Variants in DAB1 observed in about 807,000 individuals in gnomAD.
The protein encoded by DAB1 is disabled homolog 1.
DAB1 carries 15 observed loss-of-function variants against 64.6 expected under a neutral mutation model. The observed-to-expected ratio is 0.23, with a 90% CI of 0.16 to 0.36. The LOEUF (loss-of-function observed/expected upper bound fraction) is 0.36, where lower values mean the gene tolerates loss of function less well. Ranked by LOEUF, DAB1 falls within the 10% of genes least tolerant of loss-of-function variation. The pLI is 1.00. For synonymous variants in DAB1, 235 were observed against 251.9 expected (o/e 0.93, Z 0.64); for missense variants, 596 against 706.7 (o/e 0.84, Z 1.78).
chr1:58,292,276 T>C (rs188605116), intron 4 of DAB1, among the ~76,000 whole-genome samples: 2 of 152,264 alleles, frequency 1.3e-5, no homozygotes, highest in African/African-American at 4.8e-5. Flanking sequence ...CATTGACCAT[T>C]GTACCACACT....
At chr1:58,423,206 A>G (rs937588751) in intron 3 of DAB1, among the ~76,000 whole-genome samples, 1 of 152,340 alleles carries the variant, frequency 6.6e-6, no homozygotes. Context: ...CTTAAAAGCC[A>G]GACAGGAATT....
intron 1 of DAB1, among the ~76,000 whole-genome samples, chr1:57,404,526 T>C (rs1398730681): frequency 3.3e-5 from 5 of 152,326 alleles, no homozygotes; most frequent in South Asian, 4.1e-4. Flanking sequence ...TCTTTCTCTC[T>C]AGAATTAAAA....
chr1:57,282,613 T>C (rs1672005791), intron 2 of DAB1, among the ~76,000 whole-genome samples: 1 of 152,176 alleles, frequency 6.6e-6, no homozygotes, highest in South Asian at 2.1e-4. Flanking sequence ...AATAAATTCA[T>C]GACCGTGTGA....
At chr1:57,325,014 G>C (rs1189390853) in intron 1 of DAB1, among the ~76,000 whole-genome samples, 3 of 152,228 alleles carry the variant, frequency 2.0e-5, no homozygotes, top group Non-Finnish European at 4.4e-5. Flanking sequence ...CTCAAGTAAT[G>C]TTTGTTTTGA....
At chr1:57,962,430 G>GACAT (rs1447379818) in intron 5 of DAB1, among the ~76,000 whole-genome samples, 1 of 152,012 alleles carries the variant, frequency 6.6e-6, no homozygotes, top group Non-Finnish European at 1.5e-5. Flanking sequence ...ACTAGGTACT[G>GACAT]ACATCCTCCT....
At chr1:57,154,207 C>T (rs557871831) in intron 2 of DAB1, among the ~76,000 whole-genome samples, 1 of 152,296 alleles carries the variant, frequency 6.6e-6, no homozygotes, top group South Asian at 2.1e-4. Flanking sequence ...TTCCCAGCCT[C>T]TAGTAACCAT....
At chr1:57,244,460 CA>C (rs1668719401) in intron 2 of DAB1, among the ~76,000 whole-genome samples, 1 of 152,116 alleles carries the variant, frequency 6.6e-6, no homozygotes, top group Non-Finnish European at 1.5e-5. Flanking sequence ...AGAGTATCAC[CA>C]AATAAACTCT....
intron 5 of DAB1, among the ~76,000 whole-genome samples, chr1:57,072,079 A>AC (rs1651528947): frequency 6.6e-6 from 1 of 151,212 alleles, no homozygotes; most frequent in Admixed American, 6.6e-5. Flanking sequence ...AAAAAAAAAA[A>AC]AACAGAAAAA....
At chr1:57,725,294 C>T (rs999907273) in intron 6 of DAB1, among the ~76,000 whole-genome samples, 1 of 152,140 alleles carries the variant, frequency 6.6e-6, no homozygotes, top group East Asian at 1.9e-4. Flanking sequence ...AAAATGAGAA[C>T]AAATTAAAAT....
chr1:57,939,368 C>G (rs1285245861), intron 5 of DAB1, among the ~76,000 whole-genome samples: 1 of 152,212 alleles, frequency 6.6e-6, no homozygotes, highest in African/African-American at 2.4e-5. Context: ...GATAAACATT[C>G]ATTCCTTTCC....
rs1017808053 is a variant in DAB1, at chr1:57,014,778, C to A, written c.1444+105G>T. On this transcript the variant is annotated intron_variant, in intron 12 of 14. Transcript: ENST00000371236. ...AGTAATAATAATATAAACAAAGAAG[C>A]CTGATTAATGCAAGTGAGATGAGTT... The A allele has an allele frequency of 1.7e-5, 15 of 866,802 alleles. No individual in the cohort carries two copies. The African/African-American group carries it at 2.4e-4, about 14-fold the overall frequency. 53.7% of individuals were successfully genotyped at this position (866,802 alleles called of 1,614,324 possible).
At chr1:58,117,318 A>T (rs1218501152) in intron 5 of DAB1, among the ~76,000 whole-genome samples, 1 of 152,228 alleles carries the variant, frequency 6.6e-6, no homozygotes, top group East Asian at 1.9e-4. Context: ...TCTTCAGGAC[A>T]ATATGTGAAA....
chr1:57,940,131 T>C (rs1645081305), intron 5 of DAB1, among the ~76,000 whole-genome samples: 1 of 152,184 alleles, frequency 6.6e-6, no homozygotes, highest in South Asian at 2.1e-4. Flanking sequence ...CTTCTACACC[T>C]AGAGGTTCCC....
At position 58,365,569 on chromosome 1, in the gene DAB1, G is replaced by T. The variant is rs74355986; in HGVS notation, n.258-22166C>A. ...ACTTGTTTCAGTTCCTTCCCTGGTT[G>T]ACCAATGCTTTATTGAGTCTGAACT... is the stretch of plus-strand genomic sequence containing the variant. On this transcript the variant is annotated intron_variant and non_coding_transcript_variant, in intron 3 of 20. Coordinates refer to the DAB1 transcript ENST00000485760. Among the ~76,000 whole-genome samples the T allele has an allele frequency of 4.3e-3, 658 of 152,288 alleles. 3 individuals are homozygous for T. The highest frequency in any genetic ancestry group is 0.015 in the African/African-American group (626 of 41,576).
At chr1:58,409,612 C>T (rs1436870454) in intron 3 of DAB1, among the ~76,000 whole-genome samples, 2 of 152,230 alleles carry the variant, frequency 1.3e-5, no homozygotes, top group African/African-American at 2.4e-5. Flanking sequence ...ATGACTTCTA[C>T]GTTTCTGGAT....
intron 5 of DAB1, among the ~76,000 whole-genome samples, chr1:57,915,628 A>G (rs776921239): frequency 1.6e-4 from 24 of 152,120 alleles, no homozygotes; most frequent in Admixed American, 1.0e-3. Flanking sequence ...CCTTGAAGTT[A>G]TTGGGCACCA....
chr1:58,474,854 G>A (rs1161009198), intron 3 of DAB1, among the ~76,000 whole-genome samples: 1 of 152,136 alleles, frequency 6.6e-6, no homozygotes, highest in South Asian at 2.1e-4. Flanking sequence ...GTGTGACCTC[G>A]GTAAAGTTAC....
intron 7 of DAB1, among the ~76,000 whole-genome samples, chr1:57,529,306 A>G (rs1183013026): frequency 6.6e-6 from 1 of 152,092 alleles, no homozygotes; most frequent in Non-Finnish European, 1.5e-5. Context: ...GTCCAACTTA[A>G]AAGGATAGAG....
intron 6 of DAB1, among the ~76,000 whole-genome samples, chr1:57,730,286 C>A (rs1647353963): frequency 6.6e-6 from 1 of 152,164 alleles, no homozygotes; most frequent in Admixed American, 6.5e-5. Flanking sequence ...TACACTTGTT[C>A]TGTTAGGATA....
Sources: allele counts gnomAD v4.1 joint callset (sites outside exome capture counted in the v4.1 genomes callset), GRCh38; gene constraint gnomAD v4.1.1; transcripts MANE v1.5; gene names NCBI Gene and HGNC (gene_info 2026-07-23, HGNC 2026-07-21).